Variants in PRKG1 observed in about 807,000 individuals in gnomAD.
The protein encoded by PRKG1 is protein kinase cGMP-dependent 1, also known as cGMP-dependent protein kinase 1.
Under a neutral mutation model 88.1 loss-of-function variants are expected in PRKG1, and 35 were observed. The observed-to-expected ratio is 0.40, with a 90% CI of 0.30 to 0.53. The LOEUF is 0.53. Among genes scored for constraint, PRKG1 ranks in the 20% least tolerant of loss-of-function variants. The probability of loss-of-function intolerance (pLI) is 0.59; values close to 1 mark genes in which losing one functional copy is unlikely to be tolerated. For missense variants in PRKG1, 540 were observed against 839.8 expected, an observed-to-expected ratio of 0.64 and a Z score of 4.41; for synonymous variants, 303 against 292.5, an observed-to-expected ratio of 1.04 and a Z score of -0.37.
At chr10:51,705,850 T>C (rs1482836002) in intron 3 of PRKG1, among the ~76,000 whole-genome samples, 1 of 152,180 alleles carries the variant, frequency 6.6e-6, no homozygotes, top group Non-Finnish European at 1.5e-5. Flanking sequence ...ATTAAATGAG[T>C]TGCCTAAGGA....
intron 3 of PRKG1, among the ~76,000 whole-genome samples, chr10:51,497,226 A>G (rs893135030): frequency 1.3e-5 from 2 of 152,166 alleles, no homozygotes; most frequent in African/African-American, 4.8e-5. Flanking sequence ...ACTAATTCTT[A>G]CCTTACAACT....
At chr10:51,751,712 C>G (rs887501384) in intron 3 of PRKG1, among the ~76,000 whole-genome samples, 1 of 152,116 alleles carries the variant, frequency 6.6e-6, no homozygotes, top group Admixed American at 6.6e-5. Context: ...TTCACAGAAA[C>G]CTATGCTTTC....
intron 4 of PRKG1, among the ~76,000 whole-genome samples, chr10:51,852,020 A>G (rs925514934): frequency 4.6e-5 from 7 of 152,030 alleles, no homozygotes; most frequent in Admixed American, 2.0e-4. Flanking sequence ...TTATGCAACC[A>G]TATCGGCAGG....
intron 7 of PRKG1, among the ~76,000 whole-genome samples, chr10:52,067,986 C>T (rs535001612): frequency 6.6e-5 from 7 of 105,856 alleles, no homozygotes; most frequent in African/African-American, 1.6e-4. Flanking sequence ...GGGCGGATCA[C>T]GAGGTCAGGA....
chr10:52,153,133 C>G (rs1837984941), intron 8 of PRKG1, among the ~76,000 whole-genome samples: 1 of 151,976 alleles, frequency 6.6e-6, no homozygotes, highest in Non-Finnish European at 1.5e-5. Context: ...TGCTTAAGGA[C>G]CAGTTTTGTT....
intron 1 of PRKG1, among the ~76,000 whole-genome samples, chr10:51,018,355 T>A (rs1843095289): frequency 6.6e-6 from 1 of 152,202 alleles, no homozygotes; most frequent in Non-Finnish European, 1.5e-5. Flanking sequence ...TATTTGTTCT[T>A]CTGTATGCAA....
intron 2 of PRKG1, among the ~76,000 whole-genome samples, chr10:51,423,218 C>T (rs1203552180): frequency 2.0e-5 from 3 of 152,234 alleles, no homozygotes; most frequent in Non-Finnish European, 2.9e-5. Flanking sequence ...TCAGCATACT[C>T]GATATGTCTG....
At chr10:52,215,251 G>T (rs944463664) in intron 9 of PRKG1, among the ~76,000 whole-genome samples, 1 of 151,832 alleles carries the variant, frequency 6.6e-6, no homozygotes, top group Non-Finnish European at 1.5e-5. Context: ...AAAATTAGCC[G>T]GGCATGGTGG....
chr10:51,716,871 T>C (rs898215454), intron 3 of PRKG1, among the ~76,000 whole-genome samples: 3 of 152,198 alleles, frequency 2.0e-5, no homozygotes, highest in Admixed American at 2.0e-4. Context: ...TAACTTTTTG[T>C]ATTTTTAGTA....
chr10:51,487,292 G>A (rs934539869), intron 3 of PRKG1, among the ~76,000 whole-genome samples: 4 of 152,128 alleles, frequency 2.6e-5, no homozygotes, highest in Non-Finnish European at 5.9e-5. Flanking sequence ...ATTTCTGCTA[G>A]AGGAGATTAT....
At chr10:52,139,352 C>T (rs1231741644) in intron 8 of PRKG1, among the ~76,000 whole-genome samples, 5 of 152,048 alleles carry the variant, frequency 3.3e-5, no homozygotes, top group East Asian at 1.9e-4. Context: ...GTTTAGAACT[C>T]GTTTGTAACT....
At chr10:52,148,752 C>T (rs1004994045) in intron 8 of PRKG1, among the ~76,000 whole-genome samples, 15 of 151,930 alleles carry the variant, frequency 9.9e-5, no homozygotes, top group Non-Finnish European at 1.5e-4. Flanking sequence ...GATAGCTCAC[C>T]GAGGATGGGA....
chr10:52,147,212 A>G (rs1389358439), intron 8 of PRKG1, among the ~76,000 whole-genome samples: 1 of 152,248 alleles, frequency 6.6e-6, no homozygotes. Flanking sequence ...AAGGGTAGAC[A>G]AAAGAAAAAT....
intron 2 of PRKG1, among the ~76,000 whole-genome samples, chr10:51,377,344 CTT>C (rs757952935): frequency 7.2e-5 from 11 of 152,198 alleles, no homozygotes; most frequent in Non-Finnish European, 1.6e-4. Context: ...ACCTTAGAGG[CTT>C]TGTCTCAGTT....
chr10:52,147,978 C>T (rs1192763922), intron 8 of PRKG1, among the ~76,000 whole-genome samples: 1 of 151,986 alleles, frequency 6.6e-6, no homozygotes, highest in African/African-American at 2.4e-5. Flanking sequence ...TTCAAGGATA[C>T]GGATATAGAT....
intron 5 of PRKG1, among the ~76,000 whole-genome samples, chr10:51,983,170 G>T (rs1226177359): frequency 1.3e-5 from 2 of 152,116 alleles, no homozygotes; most frequent in Non-Finnish European, 2.9e-5. Flanking sequence ...GCAGGCGTGG[G>T]GCTGGCTGGC....
intron 1 of PRKG1, among the ~76,000 whole-genome samples, chr10:51,030,746 C>A (rs542432582): frequency 1.2e-4 from 19 of 152,114 alleles, no homozygotes; most frequent in Admixed American, 5.2e-4. Context: ...GCCTGAAAAA[C>A]CCCCCTCTCT....
chr10:51,800,467 T>C (rs543753017), intron 3 of PRKG1, among the ~76,000 whole-genome samples: 6 of 152,234 alleles, frequency 3.9e-5, no homozygotes, highest in African/African-American at 1.4e-4. Flanking sequence ...AGCCTACAGT[T>C]GGGAAAAATC....
At chr10:51,700,538 G>C (rs566778694) in intron 3 of PRKG1, among the ~76,000 whole-genome samples, 79 of 152,156 alleles carry the variant, frequency 5.2e-4, no homozygotes, top group Non-Finnish European at 8.1e-4. Flanking sequence ...TCTGCTGTTA[G>C]CTTTGCAGGT....
Sources: allele counts gnomAD v4.1 joint callset (sites outside exome capture counted in the v4.1 genomes callset), GRCh38; gene constraint gnomAD v4.1.1; transcripts MANE v1.5; gene names NCBI Gene and HGNC (gene_info 2026-07-23, HGNC 2026-07-21).